Variants in UBE2F observed in about 807,000 individuals in gnomAD.
The protein encoded by UBE2F is ubiquitin conjugating enzyme E2 F (putative), also known as NEDD8-conjugating enzyme UBE2F.
In UBE2F, 5 loss-of-function variants were observed where a neutral mutation model predicts 29.6. The observed-to-expected ratio is 0.17, with a 90% confidence interval of 0.09 to 0.36. The LOEUF (loss-of-function observed/expected upper bound fraction) is 0.36, where lower values mean the gene tolerates loss of function less well. Among genes scored for constraint, UBE2F ranks in the 10% least tolerant of loss-of-function variants. The pLI, the probability that UBE2F is intolerant of heterozygous loss-of-function variation, is 1.00. For missense variants in UBE2F, 141 were observed against 228.5 expected, an observed-to-expected ratio of 0.62 and a Z score of 2.47; for synonymous variants, 66 against 81.8, an observed-to-expected ratio of 0.81 and a Z score of 1.04.
intron 4 of UBE2F, among the ~76,000 whole-genome samples, chr2:238,015,066 G>A (rs2106381538): frequency 6.6e-6 from 1 of 152,340 alleles, no homozygotes; most frequent in Non-Finnish European, 1.5e-5. Flanking sequence ...ATCAGTTGAT[G>A]AATGAATGAG....
At chr2:238,000,432 T>C (rs1199365034) in intron 4 of UBE2F, among the ~76,000 whole-genome samples, 1 of 152,368 alleles carries the variant, frequency 6.6e-6, no homozygotes, top group East Asian at 1.9e-4. Flanking sequence ...GATTGAGATA[T>C]AAGTTACATT....
At chr2:237,973,903 T>TG (rs1253989634) in intron 2 of UBE2F, among the ~76,000 whole-genome samples, 1 of 152,208 alleles carries the variant, frequency 6.6e-6, no homozygotes, top group Non-Finnish European at 1.5e-5. Flanking sequence ...GTCGGTTTCT[T>TG]GGGGGTCATA....
chr2:238,038,320 G>T (rs1576646617), intron 9 of UBE2F, among the ~76,000 whole-genome samples: 2 of 152,350 alleles, frequency 1.3e-5, no homozygotes, highest in African/African-American at 4.8e-5. Flanking sequence ...GTGTGAGGCA[G>T]CCCTGTGCTC....
At position 237,988,950 on chromosome 2, in the gene UBE2F, A is replaced by G. The variant is rs2063532944; in HGVS notation, c.148+958A>G. Among the ~76,000 whole-genome samples the G allele has an allele frequency of 3.9e-5, 6 of 152,176 alleles. No homozygotes were observed. The South Asian group carries it at 8.3e-4, about 21-fold the overall frequency. The stretch of plus-strand genomic sequence containing the variant: ...CAGTCTTCACTCATGAGCACCGTAC[A>G]TTCGGAAAGCTATCTATCAGGCAGT... On this transcript the variant is annotated intron_variant, in intron 3 of 9. Coordinates refer to ENST00000272930, the MANE Select transcript of UBE2F (RefSeq NM_080678.3).
intron 7 of UBE2F, among the ~76,000 whole-genome samples, chr2:238,032,018 A>G (rs1478605182): frequency 6.6e-6 from 1 of 152,184 alleles, no homozygotes; most frequent in African/African-American, 2.4e-5. Flanking sequence ...TATATTCACT[A>G]CCTGAGACTG....
At chr2:237,972,446 C>T (rs1013863799) in intron 1 of UBE2F, among the ~76,000 whole-genome samples, 25 of 152,288 alleles carry the variant, frequency 1.6e-4, no homozygotes, top group African/African-American at 6.0e-4. Flanking sequence ...GTGGAGGCCA[C>T]CCTAGACCTT....
chr2:238,035,799 T>C lies in UBE2F; in HGVS notation c.445-79T>C, dbSNP rs2064695330. 3 of 1,161,614 alleles carry C rather than the reference T, an allele frequency of 2.6e-6. No individual in the cohort carries two copies. In the African/African-American group the frequency reaches 4.6e-5, roughly 18 times the overall value. The allele number at this position is 1,161,614 out of a possible 1,614,324, so 72.0% of individuals were successfully genotyped here. A position where few individuals can be genotyped will look rare whatever the true frequency, so the allele number is the denominator to read the frequency against. ...TGCCATTTGCTAATTAGACTTCTCT[T>C]ACTGTGCCATAAAATGAAGACTTTA... On this transcript the variant is annotated intron_variant, in intron 8 of 9. Coordinates refer to ENST00000272930, the MANE Select transcript of UBE2F (RefSeq NM_080678.3).
chr2:238,041,246 C>T (rs1559233091), intron 9 of UBE2F, 42 bp from the exon 10 acceptor site: 1 of 1,596,782 alleles, frequency 6.3e-7, no homozygotes, highest in Admixed American at 1.7e-5. Context: ...CTCACTCACT[C>T]CTCCTGTTCT....
At chr2:238,009,242 T>C (rs2063966248) in intron 4 of UBE2F, among the ~76,000 whole-genome samples, 1 of 152,254 alleles carries the variant, frequency 6.6e-6, no homozygotes, top group Admixed American at 6.5e-5. Context: ...TTTATTAAGC[T>C]TTTTGGATCT....
intron 3 of UBE2F, among the ~76,000 whole-genome samples, chr2:237,989,735 G>A (rs553597587): frequency 1.1e-4 from 16 of 152,302 alleles, no homozygotes; most frequent in African/African-American, 3.6e-4. Flanking sequence ...GTGGATCTCA[G>A]TTGAAAGTGT....
intron 3 of UBE2F, among the ~76,000 whole-genome samples, chr2:237,988,447 CAAA>C (rs35634659): frequency 6.9e-6 from 1 of 144,490 alleles, no homozygotes; most frequent in Admixed American, 6.9e-5. Context: ...GACTCCATCT[CAAA>C]AAAAAAAAAA....
chr2:238,021,899 T>C (rs2064302747), intron 5 of UBE2F, among the ~76,000 whole-genome samples: 2 of 152,236 alleles, frequency 1.3e-5, no homozygotes, highest in Non-Finnish European at 2.9e-5. Flanking sequence ...ATCTTATGTC[T>C]GTCTGCCTCT....
At chr2:238,002,397 C>T (rs1340807095) in intron 4 of UBE2F, among the ~76,000 whole-genome samples, 1 of 152,170 alleles carries the variant, frequency 6.6e-6, no homozygotes, top group African/African-American at 2.4e-5. Context: ...TTAGGTATAT[C>T]TCCCAATTTT....
intron 5 of UBE2F, among the ~76,000 whole-genome samples, chr2:238,017,383 T>C (rs2064181644): frequency 6.6e-6 from 1 of 152,176 alleles, no homozygotes; most frequent in Non-Finnish European, 1.5e-5. Flanking sequence ...CATGATGAAC[T>C]GTGGTGACAG....
At chr2:238,006,632 C>T (rs868702830) in intron 4 of UBE2F, among the ~76,000 whole-genome samples, 3 of 152,160 alleles carry the variant, frequency 2.0e-5, no homozygotes, top group Non-Finnish European at 2.9e-5. Flanking sequence ...ACAATTTTAT[C>T]TCTCCCTTTC....
chr2:238,029,286 TA>T (rs748001439), intron 6 of UBE2F, among the ~76,000 whole-genome samples: 1 of 129,000 alleles, frequency 7.8e-6, no homozygotes, highest in Admixed American at 7.8e-5. Flanking sequence ...TTTAAAAAAA[TA>T]AAAAAAAAAA....
chr2:237,996,476 G>GTTTTTT (rs11293005), intron 4 of UBE2F, among the ~76,000 whole-genome samples: 1 of 138,418 alleles, frequency 7.2e-6, no homozygotes. Flanking sequence ...TCCCCTCCGC[G>GTTTTTT]TTTTTTTTTT....
At chr2:238,006,759 CTTTTT>C (rs60514924) in intron 4 of UBE2F, among the ~76,000 whole-genome samples, 5 of 125,568 alleles carry the variant, frequency 4.0e-5, no homozygotes, top group East Asian at 2.3e-4. Flanking sequence ...TTTCTTTTTT[CTTTTT>C]TTTTTTTTTT....
At chr2:238,024,544 A>G (rs772260297) in intron 5 of UBE2F, among the ~76,000 whole-genome samples, 5 of 151,990 alleles carry the variant, frequency 3.3e-5, no homozygotes, top group African/African-American at 4.8e-5. Flanking sequence ...GGGTCTTACT[A>G]TATTGCCCTG....
Sources: allele counts gnomAD v4.1 joint callset (sites outside exome capture counted in the v4.1 genomes callset), GRCh38; gene constraint gnomAD v4.1.1; transcripts MANE v1.5; gene names NCBI Gene and HGNC (gene_info 2026-07-23, HGNC 2026-07-21).